Variants in CPOX observed in about 807,000 individuals in gnomAD.
CPOX encodes the protein coproporphyrinogen oxidase.
CPOX carries 24 observed loss-of-function variants against 48.9 expected under a neutral mutation model. The ratio of observed to expected loss-of-function variants is 0.49; its 90% CI spans 0.36 to 0.69. The LOEUF is 0.69. Ranked by LOEUF, CPOX falls within the 30% of genes least tolerant of loss-of-function variation. The pLI is 0.00. For missense variants in CPOX, 549 were observed against 597.3 expected, an observed-to-expected ratio of 0.92 and a Z score of 0.84; for synonymous variants, 249 against 234.6, an observed-to-expected ratio of 1.06 and a Z score of -0.56.
rs1707256968 is a variant in CPOX at position 98,581,444 on chromosome 3, T to A, written c.1240A>T (p.Ile414Phe). 1.2e-6 allele frequency: 2 copies of A among 1,614,070 alleles called. No individual in the cohort carries two copies. The highest frequency in any genetic ancestry group is 2.2e-5 in the East Asian group (1 of 44,876). ...KFGLFTPGSR[I>F]ESILMSLPLT... ...GGTAAAGACATCAAGATACTTTCAA[T>A]TCTGGATCCTGGAGTGAAGAGGCCA... The change falls in exon 6 of 7, where the codon ATT becomes TTT. Residue 414 changes from isoleucine (I) to phenylalanine (F), a missense_variant. Transcript: ENST00000647941.
the CPOX span, among the ~76,000 whole-genome samples, chr3:98,573,542 C>T: frequency 2.7e-5 from 4 of 148,030 alleles, no homozygotes; most frequent in African/African-American, 1.0e-4. Context: ...TCCTTCCTTG[C>T]TTTTCTTTAC....
At chr3:98,589,343 AAAC>A (rs1370900100) in intron 3 of CPOX, among the ~76,000 whole-genome samples, 1 of 152,108 alleles carries the variant, frequency 6.6e-6, no homozygotes, top group African/African-American at 2.4e-5. Flanking sequence ...AAACAAAACA[AAAC>A]AACAAGAAAA....
At chr3:98,581,697 T>C (rs904824112) in intron 5 of CPOX, among the ~76,000 whole-genome samples, 186 bp from the exon 6 acceptor site, 1 of 152,174 alleles carries the variant, frequency 6.6e-6, no homozygotes, top group South Asian at 2.1e-4. Context: ...TAAAAGGGTA[T>C]TCTACCCACC....
intron 3 of CPOX, 169 bp downstream of exon 3, chr3:98,590,463 C>A: frequency 1.5e-6 from 1 of 676,108 alleles, no homozygotes; most frequent in South Asian, 1.6e-5. Context: ...TCTTACTTGT[C>A]ATGTCTCAGG....
chr3:98,588,832 A>C lies in CPOX; in HGVS notation c.834T>G (p.Gly278=). Residue 278 remains glycine (G), a synonymous_variant, in exon 4 of 7, where the codon GGT becomes GGG. Coordinates refer to ENST00000647941, the MANE Select transcript of CPOX (RefSeq NM_000097.7). ...ATGTTGGAGTGAGGTCACATCCACC[A>C]CCAAACCACCACTGCTTGTTGCCTA... ...EADGNKQWWF[G]GGCDLTPTYL... 6.2e-7 allele frequency: 1 copy of C among 1,614,170 alleles called. No homozygotes were observed. The highest frequency in any genetic ancestry group is 8.5e-7 in the Non-Finnish European group (1 of 1,180,024).
intron 3 of CPOX, among the ~76,000 whole-genome samples, chr3:98,590,014 A>G (rs1707446918): frequency 6.6e-6 from 1 of 152,250 alleles, no homozygotes; most frequent in Non-Finnish European, 1.5e-5. Context: ...CCTCGTACAT[A>G]AGGTATTCCT....
chr3:98,573,882 T>A, the CPOX span, among the ~76,000 whole-genome samples: 1 of 152,174 alleles, frequency 6.6e-6, no homozygotes, highest in African/African-American at 2.4e-5. Context: ...ATCCCACTTG[T>A]CTCTTTAAAT....
chr3:98,593,371 C>T lies in CPOX; in HGVS notation c.134G>A (p.Gly45Glu). 1 of 1,342,600 alleles carries T rather than the reference C, an allele frequency of 7.4e-7. No individual in the cohort carries two copies. Among genetic ancestry groups the T allele is most frequent in the Non-Finnish European group, 9.4e-7 (1 of 1,058,950 alleles). The allele number at this position is 1,342,600 out of a possible 1,614,324, so 83.2% of individuals were successfully genotyped here. Reference sequence around the variant, plus strand: ...CGGGCCAGGGGGCCGGCAGACGCGTCCGGCTGCGCTGCGCTGGGACCAGGC... The same window carrying T: ...CGGGCCAGGGGGCCGGCAGACGCGTTCGGCTGCGCTGCGCTGGGACCAGGC... Reference protein sequence around the residue: ...LRAWSQRSAAGRVCRPPGPAG... With the variant: ...LRAWSQRSAAERVCRPPGPAG... Residue 45 changes from glycine (G) to glutamate (E), a missense_variant, in exon 1 of 7, where the codon GGA becomes GAA. By Grantham distance (98) the Gly-to-Glu change is moderately conservative. This residue lies in a region of CPOX where 336 missense variants were observed against 318.1 expected (regional missense o/e 1.06). Transcript: ENST00000647941.
chr3:98,572,555 G>A, the CPOX span, among the ~76,000 whole-genome samples: 932 of 152,088 alleles, frequency 6.1e-3, 8 homozygotes, highest in African/African-American at 0.02. Flanking sequence ...TTATCATATG[G>A]TTCTTGTTAT....
intron 2 of CPOX, 84 bp downstream of exon 2, chr3:98,590,928 G>T: frequency 6.6e-7 from 1 of 1,521,606 alleles, no homozygotes; most frequent in Non-Finnish European, 9.1e-7. Flanking sequence ...TTTTTCAGAA[G>T]CAATATTTAT....
At chr3:98,575,559 G>A (rs1307958634), downstream of CPOX, among the ~76,000 whole-genome samples, 2 of 152,142 alleles carry the variant, frequency 1.3e-5, no homozygotes, top group African/African-American at 4.8e-5. Context: ...TTGGGAGGCC[G>A]AGGCAGGTGG....
chr3:98,593,165 C>G lies in CPOX; in HGVS notation c.340G>C (p.Gly114Arg). The G allele has an allele frequency of 6.2e-7, 1 of 1,611,262 alleles. No homozygotes were observed. The highest frequency in any genetic ancestry group is 8.5e-7 in the Non-Finnish European group (1 of 1,179,078). ...KTSGTRATSL[G>R]RPEEEEDELA... ...TCATCCTCCTCCTCCTCCGGCCTCC[C>G]CAGCGAAGTGGCCCGCGTCCCCGAG... The change falls in exon 1 of 7, where the codon GGG (glycine) becomes CGG (arginine). Residue 114 changes from glycine (G) to arginine (R), a missense_variant. This residue lies in a region of CPOX where 336 missense variants were observed against 318.1 expected (regional missense o/e 1.06). Transcript: ENST00000647941.
intron 1 of CPOX, 64 bp downstream of exon 1, chr3:98,592,885 C>T (rs951569429): frequency 1.3e-6 from 2 of 1,533,676 alleles, no homozygotes; most frequent in Admixed American, 3.8e-5. Context: ...TATTTTCTGT[C>T]TGCAACCTGG....
Position 98,579,541 on chromosome 3 carries a change from CACAA to C in CPOX, c.*1138_*1141del, listed in dbSNP as rs1398651065. 18 of 985,360 alleles carry C rather than the reference CACAA, an allele frequency of 1.8e-5. No homozygotes were observed. The Admixed American group carries it at 1.8e-4, about 10-fold the overall frequency. 61.0% of individuals were successfully genotyped at this position (985,360 alleles called of 1,614,324 possible). On this transcript the variant is annotated 3_prime_UTR_variant, in exon 7 of 7. Coordinates refer to ENST00000647941, the MANE Select transcript of CPOX (RefSeq NM_000097.7). Reference sequence around the variant, plus strand: ...CAGCCCCAAAAAGGCCACACAGAATCACAAACATTCAACGTGTTCCACGATAATG... The same window carrying C: ...CAGCCCCAAAAAGGCCACACAGAATCACATTCAACGTGTTCCACGATAATG...
chr3:98,584,340 G>A (rs1396385436), intron 5 of CPOX, among the ~76,000 whole-genome samples: 1 of 151,832 alleles, frequency 6.6e-6, no homozygotes, highest in African/African-American at 2.4e-5. Context: ...AGTGAAAGGA[G>A]GAAAGAGTGG....
At chr3:98,573,495 T>C in the CPOX span, among the ~76,000 whole-genome samples, 1 of 152,062 alleles carries the variant, frequency 6.6e-6, no homozygotes, top group South Asian at 2.1e-4. Flanking sequence ...TTCTCTCTCG[T>C]TTCTCCTTCT....
chr3:98,573,464 T>C, the CPOX span, among the ~76,000 whole-genome samples: 1 of 152,206 alleles, frequency 6.6e-6, no homozygotes, highest in African/African-American at 2.4e-5. Flanking sequence ...TCTCCTCTTT[T>C]TCTGTCCTGT....
chr3:98,588,998 A>T (rs1707422691), intron 3 of CPOX, 144 bp from the exon 4 acceptor site: 2 of 941,172 alleles, frequency 2.1e-6, no homozygotes, highest in Non-Finnish European at 3.3e-6. Context: ...TTTAGCTCTG[A>T]AGACCAGTAA....
Position 98,579,535 on chromosome 3 carries a change from C to G in CPOX, c.*1148G>C. The G allele has an allele frequency of 1.0e-6, 1 of 985,358 alleles. No individual in the cohort carries two copies. The highest frequency in any genetic ancestry group is 1.2e-6 in the Non-Finnish European group (1 of 829,828). 61.0% of individuals were successfully genotyped at this position (985,358 alleles called of 1,614,324 possible). A position where few individuals can be genotyped will look rare whatever the true frequency, so the allele number is the denominator to read the frequency against. On this transcript the variant is annotated 3_prime_UTR_variant, in exon 7 of 7. Coordinates refer to ENST00000647941, the MANE Select transcript of CPOX (RefSeq NM_000097.7). ...ATTTTCCAGCCCCAAAAAGGCCACA[C>G]AGAATCACAAACATTCAACGTGTTC...
Sources: gnomAD v4.1 joint callset for allele counts (sites outside exome capture counted in the v4.1 genomes callset) on GRCh38, gnomAD v4.1.1 for gene constraint, gnomAD v4.1.1 regional missense constraint, MANE v1.5 for transcripts, NCBI Gene and HGNC (gene_info 2026-07-23, HGNC 2026-07-21) for gene names.